The following SVIL variants were observed in gnomAD, a reference collection of about 807,000 sequenced individuals.
SVIL encodes archvillin.
In SVIL, 101 loss-of-function variants were observed where a neutral mutation model predicts 240.4. The ratio of observed to expected loss-of-function variants is 0.42; its 90% CI spans 0.36 to 0.50. The LOEUF (loss-of-function observed/expected upper bound fraction) is 0.50, where lower values mean the gene tolerates loss of function less well. Among genes scored for constraint, SVIL ranks in the 20% least tolerant of loss-of-function variants. The pLI is 0.01. For missense variants in SVIL, 2,512 were observed against 2,818.7 expected (o/e 0.89, Z 2.46); for synonymous variants, 999 against 1,100.0 (o/e 0.91, Z 1.82).
chr10:29,704,415 T>C (rs1777334), intron 1 of SVIL, among the ~76,000 whole-genome samples: 77,211 of 151,890 alleles, frequency 0.51, 19,858 homozygotes, highest in East Asian at 0.67. Flanking sequence ...GACTTTCTCA[T>C]GCTTTCTCTC....
At chr10:29,728,794 G>C (rs1314221646) in intron 1 of SVIL, among the ~76,000 whole-genome samples, 1 of 152,174 alleles carries the variant, frequency 6.6e-6, no homozygotes, top group Non-Finnish European at 1.5e-5. Flanking sequence ...TCGCAAGGGG[G>C]AAACTTACCC....
At chr10:29,544,673 G>A (rs1011977779) in intron 6 of SVIL, among the ~76,000 whole-genome samples, 2 of 149,238 alleles carry the variant, frequency 1.3e-5, no homozygotes, top group African/African-American at 2.5e-5. Context: ...CAGGAGGAAC[G>A]CTCGAGCCCA....
intron 6 of SVIL, 36 bp from the exon 7 acceptor site, chr10:29,536,105 A>G (rs776634759): frequency 2.5e-6 from 4 of 1,592,572 alleles, no homozygotes; most frequent in Non-Finnish European, 2.6e-6. Context: ...GATAATCTCT[A>G]TTAAAACGTC....
At chr10:29,579,838 C>G (rs947777491) in intron 1 of SVIL, among the ~76,000 whole-genome samples, 1 of 152,096 alleles carries the variant, frequency 6.6e-6, no homozygotes, top group African/African-American at 2.4e-5. Context: ...CCATTTCCCA[C>G]CAGGGCCGAA....
intron 1 of SVIL, among the ~76,000 whole-genome samples, chr10:29,600,255 C>A (rs1222437391): frequency 6.6e-6 from 1 of 152,120 alleles, no homozygotes; most frequent in Non-Finnish European, 1.5e-5. Flanking sequence ...TGAATTTTGG[C>A]CATTAGTTAT....
In SVIL at chr10:29,517,110, A is replaced by G. The variant is rs184396812; in HGVS notation, c.3390-4249T>C. ...AAAGTGTCTTTTAAATGAGAGACAA[A>G]TCACACTTTGGAAAAGGAGGGCCAG... On this transcript the variant is annotated intron_variant, in intron 16 of 37. Coordinates refer to ENST00000355867, the MANE Select transcript of SVIL (RefSeq NM_021738.3). Among the ~76,000 whole-genome samples the G allele has an allele frequency of 1.1e-4, 17 of 152,258 alleles. No individual in the cohort carries two copies. The East Asian group carries it at 1.5e-3, about 14-fold the overall frequency.
At chr10:29,665,533 C>T (rs1452008796) in intron 2 of SVIL, among the ~76,000 whole-genome samples, 8 of 152,210 alleles carry the variant, frequency 5.3e-5, no homozygotes, top group Admixed American at 1.3e-4. Context: ...CAGTGGCTCA[C>T]GTCTGTAATC....
At chr10:29,696,415 C>T (rs1962002548) in intron 1 of SVIL, among the ~76,000 whole-genome samples, 1 of 151,402 alleles carries the variant, frequency 6.6e-6, no homozygotes, top group East Asian at 2.0e-4. Context: ...GGCTGCCCAT[C>T]GTCTGGGATG....
rs199554229 is a variant in SVIL at position 29,550,790 on chromosome 10, T to G, written c.634A>C (p.Ser212Arg). The G allele has an allele frequency of 1.9e-5, 30 of 1,613,992 alleles. No individual in the cohort carries two copies. The highest frequency in any genetic ancestry group is 2.7e-5 in the African/African-American group (2 of 74,908). Residue 212 changes from serine (S) to arginine (R), a missense_variant, in exon 6 of 38, where the codon AGT becomes CGT. Transcript: ENST00000355867. ...AGGTCATGGGCCTGCCGGGTGGCAC[T>G]CAGCTCTTGACCTCGTCTTTGGTTT... is the stretch of plus-strand genomic sequence containing the variant. ...IENQRRGQEL[S>R]ATRQAHDLSP...
chr10:29,681,229 G>A (rs1196122926), intron 2 of SVIL, among the ~76,000 whole-genome samples: 2 of 152,138 alleles, frequency 1.3e-5, no homozygotes, highest in African/African-American at 2.4e-5. Context: ...GAGCCAAAGA[G>A]GATGGGCAGA....
chr10:29,539,730 G>C (rs753281808), intron 6 of SVIL, among the ~76,000 whole-genome samples: 1 of 151,996 alleles, frequency 6.6e-6, no homozygotes, highest in Non-Finnish European at 1.5e-5. Flanking sequence ...TCACCCCCAC[G>C]ATACACAGCC....
intron 1 of SVIL, among the ~76,000 whole-genome samples, chr10:29,594,882 G>T (rs1226238257): frequency 6.6e-6 from 1 of 152,154 alleles, no homozygotes; most frequent in Non-Finnish European, 1.5e-5. Context: ...ACCTGAAACT[G>T]CTCTAAAAAA....
At chr10:29,566,930 A>G (rs1955022086) in intron 2 of SVIL, among the ~76,000 whole-genome samples, 2 of 152,192 alleles carry the variant, frequency 1.3e-5, no homozygotes, top group Admixed American at 6.5e-5. Flanking sequence ...CTAGAGCTCA[A>G]CCAAAAGTAA....
At chr10:29,471,694 C>T (rs1945600880) in intron 30 of SVIL, among the ~76,000 whole-genome samples, 1 of 152,220 alleles carries the variant, frequency 6.6e-6, no homozygotes, top group Non-Finnish European at 1.5e-5. Context: ...GCCACCCCAG[C>T]AGTCCACTCA....
intron 6 of SVIL, among the ~76,000 whole-genome samples, chr10:29,536,603 T>G (rs73596041): frequency 0.026 from 3,899 of 152,214 alleles, 162 homozygotes; most frequent in African/African-American, 0.089. Flanking sequence ...CCAAGTAATT[T>G]TAAATTATTA....
rs1245868652 is a variant in SVIL at position 29,531,230 on chromosome 10, A to G, written c.2044+24T>C. 4 of 1,612,738 alleles carry G rather than the reference A, an allele frequency of 2.5e-6. No individual in the cohort carries two copies. The East Asian group carries it at 8.9e-5, about 36-fold the overall frequency. ...AGTCTAGATGAGATAATAAAGAAGA[A>G]AAAAAAGGGAAACAGGTACTTGCCA... On this transcript the variant is annotated intron_variant, in intron 10 of 37. Coordinates refer to ENST00000355867, the MANE Select transcript of SVIL (RefSeq NM_021738.3).
intron 1 of SVIL, among the ~76,000 whole-genome samples, chr10:29,711,394 C>T (rs529645029): frequency 9.4e-5 from 14 of 148,506 alleles, no homozygotes; most frequent in African/African-American, 3.2e-4. Flanking sequence ...AGCAAGACTA[C>T]GTCTCAATAA....
intron 5 of SVIL, among the ~76,000 whole-genome samples, chr10:29,551,995 T>C (rs1953390865): frequency 6.6e-6 from 1 of 151,962 alleles, no homozygotes; most frequent in Non-Finnish European, 1.5e-5. Flanking sequence ...ATGTCCATGG[T>C]GCCAGCTACT....
At chr10:29,719,372 A>C (rs1472828569) in intron 1 of SVIL, among the ~76,000 whole-genome samples, 1 of 152,216 alleles carries the variant, frequency 6.6e-6, no homozygotes, top group African/African-American at 2.4e-5. Context: ...CTTGAAAGTA[A>C]GACAAAAGAA....
Sources: gnomAD v4.1 joint callset for allele counts (sites outside exome capture counted in the v4.1 genomes callset) on GRCh38, gnomAD v4.1.1 for gene constraint, MANE v1.5 for transcripts, NCBI Gene and HGNC (gene_info 2026-07-23, HGNC 2026-07-21) for gene names.